NUDCD1: variants seen among roughly 807,000 people sequenced by gnomAD.
The protein encoded by NUDCD1 is NudC domain containing 1, also known as nudC domain-containing protein 1.
NUDCD1 carries 60 observed loss-of-function variants against 67.8 expected under a neutral mutation model. The observed-to-expected ratio is 0.88, with a 90% CI of 0.72 to 1.10. NUDCD1 has a LOEUF of 1.10. Ranked by LOEUF, NUDCD1 falls within the 50% of genes least tolerant of loss-of-function variation. The probability of loss-of-function intolerance (pLI) is 0.00; values close to 1 mark genes in which losing one functional copy is unlikely to be tolerated. For synonymous variants in NUDCD1, 244 were observed against 230.8 expected (o/e 1.06, Z -0.52); for missense variants, 643 against 695.0 (o/e 0.93, Z 0.84).
At chr8:109,260,687 C>T (rs1368434029) in intron 8 of NUDCD1, among the ~76,000 whole-genome samples, 1 of 152,198 alleles carries the variant, frequency 6.6e-6, no homozygotes, top group Non-Finnish European at 1.5e-5. Flanking sequence ...TACGCATACA[C>T]ACATGCACAC....
At chr8:109,324,126 A>G (rs1283738359) in intron 1 of NUDCD1, among the ~76,000 whole-genome samples, 2 of 152,116 alleles carry the variant, frequency 1.3e-5, no homozygotes, top group African/African-American at 4.8e-5. Flanking sequence ...CCTAGTGAAG[A>G]GACAACCTAT....
intron 2 of NUDCD1, among the ~76,000 whole-genome samples, chr8:109,312,700 C>G (rs1175152085): frequency 6.6e-6 from 1 of 152,214 alleles, no homozygotes; most frequent in Non-Finnish European, 1.5e-5. Context: ...AAAGCAGACC[C>G]TGACATTACG....
intron 2 of NUDCD1, among the ~76,000 whole-genome samples, chr8:109,309,901 A>G (rs1396509991): frequency 6.6e-6 from 1 of 151,994 alleles, no homozygotes; most frequent in Non-Finnish European, 1.5e-5. Context: ...AAAAAAAACC[A>G]CTTAGGAATA....
At chr8:109,249,355 T>C (rs539098196) in intron 8 of NUDCD1, among the ~76,000 whole-genome samples, 1 of 152,322 alleles carries the variant, frequency 6.6e-6, no homozygotes, top group Admixed American at 6.5e-5. Context: ...CAGAAAAGCA[T>C]AGCAGCTTTC....
At position 109,280,987 on chromosome 8, in the gene NUDCD1, T is replaced by C. The variant is rs1814422904; in HGVS notation, c.1009A>G (p.Ile337Val). The change falls in exon 6 of 10, where the codon ATA becomes GTA. Residue 337 changes from isoleucine (I) to valine (V), a missense_variant. Physicochemically the swap from Ile to Val is conservative, Grantham distance 29 (BLOSUM62 3). Transcript: ENST00000239690. The part of the protein sequence containing the change: ...SSIDHESSTW[I>V]IKESNSLEIS... ...AAATACCTATTACTCTCTTTAATTATCCATGTACTGCTTTCATGATCAATA... is the reference window on the plus strand; with the variant it reads ...AAATACCTATTACTCTCTTTAATTACCCATGTACTGCTTTCATGATCAATA... 6.3e-7 allele frequency: 1 copy of C among 1,580,310 alleles called. No individual in the cohort carries two copies. The highest frequency in any genetic ancestry group is 1.7e-5 in the Admixed American group (1 of 59,910).
At chr8:109,329,913 A>T in intron 1 of NUDCD1, 1 of 1,537,110 alleles carries the variant, frequency 6.5e-7, no homozygotes, top group Non-Finnish European at 8.8e-7. Flanking sequence ...GCTACGAAGT[A>T]TGATAAAGTC....
At chr8:109,293,555 T>C (rs754346818) in intron 3 of NUDCD1, 31 bp from the exon 4 acceptor site, 3 of 1,272,056 alleles carry the variant, frequency 2.4e-6, no homozygotes, top group Middle Eastern at 2.0e-4. Flanking sequence ...CACAAAAAAG[T>C]GTACATAATT....
At chr8:109,272,661 A>G (rs1466778064) in intron 7 of NUDCD1, among the ~76,000 whole-genome samples, 1 of 152,190 alleles carries the variant, frequency 6.6e-6, no homozygotes, top group Non-Finnish European at 1.5e-5. Context: ...ATACAGAGAT[A>G]TGTTAATTCT....
At chr8:109,281,230 C>T in intron 5 of NUDCD1, 58 bp from the exon 6 acceptor site, 1 of 1,106,680 alleles carries the variant, frequency 9.0e-7, no homozygotes, top group Non-Finnish European at 1.3e-6. Flanking sequence ...CATACACACA[C>T]ACAAAACCTA....
At position 109,271,054 on chromosome 8, in the gene NUDCD1, C is replaced by T. The variant is rs1158068009; in HGVS notation, c.1250G>A (p.Ser417Asn). Residue 417 changes from serine (S) to asparagine (N), a missense_variant, in exon 8 of 10, where the codon AGC becomes AAC. Ser to Asn is a conservative substitution (Grantham distance 46, BLOSUM62 1). Coordinates refer to ENST00000239690, the MANE Select transcript of NUDCD1 (RefSeq NM_032869.4). ...LEECDIFFEE[S>N]SSLCRFDGNT... ...GCCATCAAATCTGCATAAACTGGAG[C>T]TCTCTTCAAAGAAAATATCACATTC... The T allele has an allele frequency of 1.3e-6, 2 of 1,596,470 alleles. No individual in the cohort carries two copies. The highest frequency in any genetic ancestry group is 1.7e-6 in the Non-Finnish European group (2 of 1,166,796).
At chr8:109,245,160 T>C (rs1813463798) in intron 9 of NUDCD1, among the ~76,000 whole-genome samples, 162 bp downstream of exon 9, 1 of 152,168 alleles carries the variant, frequency 6.6e-6, no homozygotes, top group Admixed American at 6.6e-5. Flanking sequence ...GTTCCAACAG[T>C]GCTAACACTC....
chr8:109,268,174 C>A (rs1212336486), intron 8 of NUDCD1, among the ~76,000 whole-genome samples: 1 of 152,070 alleles, frequency 6.6e-6, no homozygotes, highest in Non-Finnish European at 1.5e-5. Context: ...TGAGAAGATC[C>A]ACTGCTATAA....
chr8:109,323,586 T>C (rs535240550), intron 1 of NUDCD1, among the ~76,000 whole-genome samples: 27 of 152,032 alleles, frequency 1.8e-4, no homozygotes, highest in African/African-American at 3.4e-4. Context: ...AATGTAAGAG[T>C]TCTATTTGGG....
At chr8:109,327,358 T>C (rs529564785) in intron 1 of NUDCD1, among the ~76,000 whole-genome samples, 43 of 152,328 alleles carry the variant, frequency 2.8e-4, no homozygotes, top group African/African-American at 9.9e-4. Context: ...CAACTCTACA[T>C]AAATACAATG....
At chr8:109,267,137 T>C (rs1412252319) in intron 8 of NUDCD1, among the ~76,000 whole-genome samples, 1 of 152,174 alleles carries the variant, frequency 6.6e-6, no homozygotes, top group African/African-American at 2.4e-5. Flanking sequence ...AATTTTTAAA[T>C]TTTATGTTCA....
In NUDCD1 at chr8:109,241,968, C is replaced by A. The variant is rs927866006; in HGVS notation, c.*1041G>T. On this transcript the variant is annotated 3_prime_UTR_variant, in exon 10 of 10. Transcript: ENST00000239690. ...ACCTGGAAAGGTAAGTTTGAAAAAACAAAATTTGTGGCAAGAAACTATAAC... is the reference window on the plus strand; with the variant it reads ...ACCTGGAAAGGTAAGTTTGAAAAAAAAAAATTTGTGGCAAGAAACTATAAC... 2.5e-6 allele frequency: 1 copy of A among 396,628 alleles called. No homozygotes were observed. The highest frequency in any genetic ancestry group is 4.4e-6 in the Non-Finnish European group (1 of 224,788). The allele number at this position is 396,628 out of a possible 1,614,324, so 24.6% of individuals were successfully genotyped here.
At chr8:109,331,787 G>A (rs949901653) in intron 1 of NUDCD1, among the ~76,000 whole-genome samples, 4 of 152,142 alleles carry the variant, frequency 2.6e-5, no homozygotes, top group African/African-American at 9.7e-5. Context: ...AAACAGAAAA[G>A]TTGGCAGAAC....
intron 5 of NUDCD1, among the ~76,000 whole-genome samples, chr8:109,288,288 T>C (rs889228248): frequency 2.0e-5 from 3 of 152,188 alleles, no homozygotes; most frequent in African/African-American, 7.2e-5. Flanking sequence ...TGGAACTGCA[T>C]GGTTCCAAGT....
chr8:109,305,846 C>T (rs1390733813), intron 2 of NUDCD1, among the ~76,000 whole-genome samples: 2 of 152,136 alleles, frequency 1.3e-5, no homozygotes, highest in African/African-American at 4.8e-5. Flanking sequence ...TAAAGCTGTG[C>T]CCGTCAGCCA....
Sources: allele counts gnomAD v4.1 joint callset (sites outside exome capture counted in the v4.1 genomes callset), GRCh38; gene constraint gnomAD v4.1.1; transcripts MANE v1.5; gene names NCBI Gene and HGNC (gene_info 2026-07-23, HGNC 2026-07-21).